Variants in SFXN5 observed in about 807,000 individuals in gnomAD.
SFXN5 encodes the protein sideroflexin 5.
SFXN5 carries 43 observed loss-of-function variants against 50.2 expected under a neutral mutation model. The ratio of observed to expected loss-of-function variants is 0.86; its 90% CI spans 0.67 to 1.11. SFXN5 has a LOEUF of 1.11. SFXN5 is among the 50% of genes least tolerant of loss of function. SFXN5 has a pLI of 0.00. For synonymous variants in SFXN5, 203 were observed against 185.8 expected, an observed-to-expected ratio of 1.09 and a Z score of -0.75; for missense variants, 463 against 454.1, an observed-to-expected ratio of 1.02 and a Z score of -0.18.
intron 9 of SFXN5, among the ~76,000 whole-genome samples, chr2:72,996,015 A>G (rs1010727714): frequency 3.3e-5 from 5 of 152,174 alleles, no homozygotes; most frequent in African/African-American, 1.2e-4. Context: ...ATAAGTATTT[A>G]TGGGGCAGTG....
chr2:73,066,973 C>T (rs1255301877), intron 1 of SFXN5, among the ~76,000 whole-genome samples: 5 of 152,040 alleles, frequency 3.3e-5, no homozygotes, highest in Non-Finnish European at 5.9e-5. Flanking sequence ...TGAGCCCAGG[C>T]GCTCAAGGCT....
intron 10 of SFXN5, among the ~76,000 whole-genome samples, chr2:72,982,445 G>A (rs888480504): frequency 3.3e-5 from 5 of 152,232 alleles, no homozygotes; most frequent in Admixed American, 1.3e-4. Flanking sequence ...GTTCTGCCAC[G>A]AGTGACTCAT....
chr2:73,001,651 C>T (rs1047691451), intron 6 of SFXN5, 73 bp from the exon 7 acceptor site: 6 of 1,439,480 alleles, frequency 4.2e-6, no homozygotes, highest in Non-Finnish European at 5.8e-6. Context: ...AAAAAATACG[C>T]TACCACAAAT....
chr2:73,018,646 A>G (rs1459000242), intron 6 of SFXN5, among the ~76,000 whole-genome samples: 1 of 152,226 alleles, frequency 6.6e-6, no homozygotes, highest in East Asian at 1.9e-4. Flanking sequence ...TTTTTTACCC[A>G]ATAGTTTTAA....
intron 10 of SFXN5, among the ~76,000 whole-genome samples, chr2:72,974,855 GA>G (rs11430620): frequency 0.15 from 22,195 of 143,882 alleles, 1,792 homozygotes; most frequent in East Asian, 0.32. Flanking sequence ...GAGAGAGAGA[GA>G]AAAAAAAAAA....
intron 10 of SFXN5, among the ~76,000 whole-genome samples, chr2:72,980,337 A>G (rs1243831255): frequency 6.6e-6 from 1 of 152,120 alleles, no homozygotes; most frequent in Non-Finnish European, 1.5e-5. Flanking sequence ...TAGGCATATT[A>G]CCACCTTTAC....
At chr2:72,974,697 C>T (rs1202354286) in intron 10 of SFXN5, among the ~76,000 whole-genome samples, 1 of 152,170 alleles carries the variant, frequency 6.6e-6, no homozygotes, top group Non-Finnish European at 1.5e-5. Context: ...GGAATGCCAG[C>T]CTGTTACAGT....
intron 10 of SFXN5, among the ~76,000 whole-genome samples, chr2:72,982,293 GCTGA>G (rs1189793904): frequency 1.3e-5 from 2 of 152,194 alleles, no homozygotes; most frequent in African/African-American, 4.8e-5. Flanking sequence ...CCCTAGGCCT[GCTGA>G]CTAAGAGTGG....
At chr2:72,946,517 G>T (rs1337621808) in intron 13 of SFXN5, among the ~76,000 whole-genome samples, 2 of 152,112 alleles carry the variant, frequency 1.3e-5, no homozygotes, top group East Asian at 3.9e-4. Context: ...CCCCACACAA[G>T]ATTTCTGCAG....
At chr2:73,062,154 A>C (rs1682856750) in intron 1 of SFXN5, among the ~76,000 whole-genome samples, 1 of 152,182 alleles carries the variant, frequency 6.6e-6, no homozygotes, top group Non-Finnish European at 1.5e-5. Context: ...CTGATATTTT[A>C]AGTATTATAC....
intron 1 of SFXN5, among the ~76,000 whole-genome samples, chr2:73,065,212 T>G (rs1408710662): frequency 1.3e-5 from 2 of 152,148 alleles, no homozygotes; most frequent in East Asian, 3.9e-4. Flanking sequence ...GGGATCCTCC[T>G]GCCCCAGCCT....
intron 10 of SFXN5, among the ~76,000 whole-genome samples, chr2:72,972,706 G>C (rs765009119): frequency 6.6e-6 from 1 of 151,914 alleles, no homozygotes; most frequent in Admixed American, 6.5e-5. Context: ...GTGGGGAGTG[G>C]GGGGTGACAA....
In SFXN5 at chr2:73,071,674, G is replaced by T; in HGVS notation, c.32C>A (p.Ala11Glu). ...CGAGGCGCTAGCGGCACTAGCCGCC[G>T]CCGCCGATGCTGTAGTCGCTGTATC... MADTATTASA[A>E]AASAASASSD... is the part of the protein sequence containing the mutation. The change falls in exon 1 of 14, where the codon GCG (alanine) becomes GAG (glutamate). Residue 11 changes from alanine (A) to glutamate (E), a missense_variant. Ala to Glu is a moderately radical substitution (Grantham distance 107, BLOSUM62 -1). Transcript: ENST00000272433. The T allele has an allele frequency of 6.2e-7, 1 of 1,612,056 alleles. No homozygotes were observed. Among genetic ancestry groups the T allele is most frequent in the Non-Finnish European group, 8.5e-7 (1 of 1,179,638 alleles).
At chr2:72,978,533 T>A (rs1242230048) in intron 10 of SFXN5, among the ~76,000 whole-genome samples, 1 of 152,166 alleles carries the variant, frequency 6.6e-6, no homozygotes, top group African/African-American at 2.4e-5. Flanking sequence ...TCCACTCGCC[T>A]CAGCCTCTCA....
At chr2:73,065,052 G>A (rs1366611844) in intron 1 of SFXN5, among the ~76,000 whole-genome samples, 1 of 152,156 alleles carries the variant, frequency 6.6e-6, no homozygotes, top group African/African-American at 2.4e-5. Flanking sequence ...CTCTCAAAGT[G>A]CTGGCATTAC....
At chr2:73,033,326 C>T (rs944887081) in intron 3 of SFXN5, among the ~76,000 whole-genome samples, 4 of 152,136 alleles carry the variant, frequency 2.6e-5, no homozygotes, top group African/African-American at 9.7e-5. Flanking sequence ...TAGAGGGTTG[C>T]ACAGACAGAC....
At chr2:73,001,271 C>T (rs555272295) in intron 7 of SFXN5, among the ~76,000 whole-genome samples, 7 of 152,336 alleles carry the variant, frequency 4.6e-5, no homozygotes, top group Admixed American at 2.0e-4. Flanking sequence ...GGCAGGGGCA[C>T]GCAGCCCTCA....
chr2:73,056,382 CAA>C (rs35625459), intron 2 of SFXN5, among the ~76,000 whole-genome samples: 5 of 142,058 alleles, frequency 3.5e-5, no homozygotes, highest in Non-Finnish European at 3.1e-5. Context: ...GACTCTGTCT[CAA>C]AAAAAAAAAA....
intron 9 of SFXN5, among the ~76,000 whole-genome samples, chr2:72,988,642 TACAC>T (rs956446402): frequency 6.6e-5 from 10 of 152,022 alleles, no homozygotes; most frequent in African/African-American, 2.2e-4. Context: ...TACACACTCA[TACAC>T]ACACACTGCA....
Sources: allele counts gnomAD v4.1 joint callset (sites outside exome capture counted in the v4.1 genomes callset), GRCh38; gene constraint gnomAD v4.1.1; transcripts MANE v1.5; gene names NCBI Gene and HGNC (gene_info 2026-07-23, HGNC 2026-07-21).